PLXNA1: variants seen among roughly 807,000 people sequenced by gnomAD.
PLXNA1 encodes the protein plexin-A1.
A neutral mutation model predicts 191.7 loss-of-function variants in PLXNA1; 77 were observed. That is an observed-to-expected ratio of 0.40 (90% CI 0.33 to 0.49). The LOEUF is 0.49. Ranked by LOEUF, PLXNA1 falls within the 20% of genes least tolerant of loss-of-function variation. PLXNA1 has a pLI of 0.63. For missense variants in PLXNA1, 2,110 were observed against 2,660.2 expected, an observed-to-expected ratio of 0.79 and a Z score of 4.55; for synonymous variants, 1,137 against 1,156.4, an observed-to-expected ratio of 0.98 and a Z score of 0.34.
chr3:127,014,860 A>G (rs563575565), intron 14 of PLXNA1, 29 bp downstream of exon 14: 9 of 1,605,034 alleles, frequency 5.6e-6, no homozygotes, highest in Non-Finnish European at 7.7e-6. Context: ...CTCTCTCCCT[A>G]TTCTCTGCTG....
At chr3:127,021,251 C>T (rs2079150856) in intron 21 of PLXNA1, among the ~76,000 whole-genome samples, 1 of 152,228 alleles carries the variant, frequency 6.6e-6, no homozygotes, top group African/African-American at 2.4e-5. Context: ...ACAGCCTCCC[C>T]AGGTTGTATC....
chr3:126,991,089 T>G (rs1244127353), intron 2 of PLXNA1, among the ~76,000 whole-genome samples: 1 of 152,196 alleles, frequency 6.6e-6, no homozygotes, highest in African/African-American at 2.4e-5. Flanking sequence ...CTGCCTGCCC[T>G]GCCCTCTCCT....
intron 1 of PLXNA1, among the ~76,000 whole-genome samples, 60 bp downstream of exon 1, chr3:126,983,347 T>G: frequency 1.4e-5 from 2 of 139,066 alleles, no homozygotes; most frequent in African/African-American, 2.6e-5. Context: ...CGGGCCGGGC[T>G]GGGGTCCGGG....
chr3:127,022,695 C>T, intron 22 of PLXNA1, 57 bp from the exon 23 acceptor site: 3 of 1,489,938 alleles, frequency 2.0e-6, no homozygotes, highest in Non-Finnish European at 2.8e-6. Flanking sequence ...TGCAGGGGCC[C>T]TGTGCCTGCT....
At chr3:126,987,341 CA>C (rs2078964515) in intron 1 of PLXNA1, among the ~76,000 whole-genome samples, 1 of 152,204 alleles carries the variant, frequency 6.6e-6, no homozygotes, top group Non-Finnish European at 1.5e-5. Flanking sequence ...GGACTCCCGC[CA>C]GGATCTGGGC....
chr3:126,999,097 C>T (rs1339614218), intron 3 of PLXNA1, among the ~76,000 whole-genome samples: 4 of 152,106 alleles, frequency 2.6e-5, no homozygotes, highest in African/African-American at 9.7e-5. Context: ...GGAGTGGGTC[C>T]GCTGGGGCCT....
intron 23 of PLXNA1, chr3:127,026,412 T>C (rs1351453413): frequency 6.6e-6 from 1 of 152,234 alleles, no homozygotes; most frequent in East Asian, 1.9e-4. Context: ...CTTGGGCCAA[T>C]ATCTGCACTG....
intron 15 of PLXNA1, among the ~76,000 whole-genome samples, chr3:127,016,287 C>A (rs2079123104): frequency 1.3e-5 from 2 of 152,090 alleles, no homozygotes; most frequent in Admixed American, 1.3e-4. Context: ...CAGGCCGGGT[C>A]CCAAATGCCA....
At chr3:127,012,681 G>T (rs1038575456) in intron 10 of PLXNA1, among the ~76,000 whole-genome samples, 1 of 152,270 alleles carries the variant, frequency 6.6e-6, no homozygotes, top group Non-Finnish European at 1.5e-5. Flanking sequence ...CCTGTGGTCC[G>T]AGCATGCGTA....
At chr3:127,015,700 G>A (rs1233623441) in intron 15 of PLXNA1, among the ~76,000 whole-genome samples, 2 of 152,242 alleles carry the variant, frequency 1.3e-5, no homozygotes, top group Non-Finnish European at 2.9e-5. Context: ...GATGATAATG[G>A]AATGTCCCTT....
intron 17 of PLXNA1, 108 bp from the exon 18 acceptor site, chr3:127,017,317 C>T (rs2079128648): frequency 1.4e-5 from 20 of 1,449,534 alleles, no homozygotes; most frequent in Non-Finnish European, 1.9e-5. Context: ...TAGTGCCTGG[C>T]ATCATCTGTG....
At chr3:127,016,481 C>CGT (rs1559962097) in intron 15 of PLXNA1, 36 bp from the exon 16 acceptor site, 1 of 1,605,886 alleles carries the variant, frequency 6.2e-7, no homozygotes, top group Non-Finnish European at 8.5e-7. Context: ...GGGTTCCACC[C>CGT]GTGTGCTCCT....
rs1183081931 is a variant in PLXNA1, at chr3:127,014,507, C to T, written c.2634C>T (p.Gly878=). The change falls in exon 13 of 32, where the codon GGC becomes GGT. Residue 878 remains glycine (G), a synonymous_variant. Coordinates refer to ENST00000393409, the MANE Select transcript of PLXNA1 (RefSeq NM_032242.4). ...CCCCCGAGACGGGCCCGAGGCAGGG[C>T]GGCACGCGGCTCACTATCACAGGCG... ...KLSPETGPRQ[G]GTRLTITGEN... 8.7e-6 allele frequency: 14 copies of T among 1,606,350 alleles called. No homozygotes were observed. The highest frequency in any genetic ancestry group is 5.3e-5 in the African/African-American group (4 of 74,892).
chr3:126,989,093 G>A lies in PLXNA1; in HGVS notation c.500G>A (p.Gly167Asp). ...TACCTGTCCAGCGTGCAGGAGGCAG[G>A]CAGCATGGCGGGCGTGCTCATTGCC... ...EHYLSSVQEAGSMAGVLIAGP... is the reference protein window; with the variant it reads ...EHYLSSVQEADSMAGVLIAGP... Residue 167 changes from glycine (G) to aspartate (D), a missense_variant, in exon 2 of 32, where the codon GGC (glycine) becomes GAC (aspartate). This residue lies in a region of PLXNA1 where 903 missense variants were observed against 1,015.7 expected (regional missense o/e 0.89). Transcript: ENST00000393409. 6.2e-7 allele frequency: 1 copy of A among 1,613,370 alleles called. No individual in the cohort carries two copies.
At position 127,017,532 on chromosome 3, in the gene PLXNA1, C is replaced by T. The variant is rs201850131; in HGVS notation, c.3384C>T (p.Phe1128=). ...GGGAGCGGCCGGATGAGCTGGGCTT[C>T]GTCATGGACAACGTGCGCTCCCTGC... is the stretch of plus-strand genomic sequence containing the variant. The part of the protein sequence containing the change: ...ELGERPDELG[F]VMDNVRSLLV... The change falls in exon 18 of 32, where the codon TTC becomes TTT. Residue 1128 remains phenylalanine (F), a synonymous_variant. Transcript: ENST00000393409. 2.7e-4 allele frequency: 441 copies of T among 1,613,580 alleles called. No individual in the cohort carries two copies. The highest frequency in any genetic ancestry group is 3.5e-4 in the Non-Finnish European group (408 of 1,180,030).
rs754804761 is a variant in PLXNA1 at position 127,029,554 on chromosome 3, G to A, written c.4870+18G>A. 3.7e-5 allele frequency: 60 copies of A among 1,609,796 alleles called. No individual in the cohort carries two copies. The highest frequency in any genetic ancestry group is 1.9e-4 in the African/African-American group (14 of 74,966). On this transcript the variant is annotated intron_variant, in intron 27 of 31. Transcript: ENST00000393409. Reference sequence around the variant, plus strand: ...CAGATACGGTGAGGGGCCAGGCAGCGGGCGAGAGGGCAGCGCATGGGTCCC... The same window carrying A: ...CAGATACGGTGAGGGGCCAGGCAGCAGGCGAGAGGGCAGCGCATGGGTCCC...
At chr3:126,992,047 A>T in intron 3 of PLXNA1, among the ~76,000 whole-genome samples, 1 of 152,174 alleles carries the variant, frequency 6.6e-6, no homozygotes, top group East Asian at 1.9e-4. Context: ...GGGCAAGGGT[A>T]GTGCCCCTGC....
At chr3:127,016,087 G>A (rs1006153523) in intron 15 of PLXNA1, among the ~76,000 whole-genome samples, 3 of 152,054 alleles carry the variant, frequency 2.0e-5, no homozygotes, top group African/African-American at 7.2e-5. Context: ...GCTTAGTCTC[G>A]CCAGCCCTCC....
At chr3:127,002,880 G>C (rs2079047484) in intron 3 of PLXNA1, among the ~76,000 whole-genome samples, 1 of 152,094 alleles carries the variant, frequency 6.6e-6, no homozygotes, top group Non-Finnish European at 1.5e-5. Flanking sequence ...GAGTCTCCTG[G>C]TCCACTGCCC....
Sources: allele counts gnomAD v4.1 joint callset (sites outside exome capture counted in the v4.1 genomes callset), GRCh38; gene constraint gnomAD v4.1.1; regional missense constraint gnomAD v4.1.1; transcripts MANE v1.5; gene names NCBI Gene and HGNC (gene_info 2026-07-23, HGNC 2026-07-21).